SLC44A5: variants seen among roughly 807,000 people sequenced by gnomAD.
The protein encoded by SLC44A5 is choline transporter-like protein 5.
A neutral mutation model predicts 101.8 loss-of-function variants in SLC44A5; 57 were observed. That is an observed-to-expected ratio of 0.56 (90% CI 0.45 to 0.70). SLC44A5 has a LOEUF of 0.70. Ranked by LOEUF, SLC44A5 falls within the 30% of genes least tolerant of loss-of-function variation. The pLI, the probability that SLC44A5 is intolerant of heterozygous loss-of-function variation, is 0.00. For missense variants in SLC44A5, 737 were observed against 853.1 expected (o/e 0.86, Z 1.70); for synonymous variants, 281 against 290.9 (o/e 0.97, Z 0.35).
chr1:75,651,323 C>A, the SLC44A5 span, among the ~76,000 whole-genome samples: 1 of 152,056 alleles, frequency 6.6e-6, no homozygotes, highest in African/African-American at 2.4e-5. Context: ...AATTATCTGC[C>A]TTGTTTATAC....
chr1:75,681,429 C>T, the SLC44A5 span, among the ~76,000 whole-genome samples: 2 of 151,358 alleles, frequency 1.3e-5, no homozygotes, highest in African/African-American at 2.4e-5. Context: ...GGGCTTCATC[C>T]CTGGGATGCA....
intron 2 of SLC44A5, among the ~76,000 whole-genome samples, chr1:75,422,131 G>A (rs1254338345): frequency 1.3e-5 from 2 of 152,182 alleles, no homozygotes; most frequent in African/African-American, 2.4e-5. Context: ...CTGATGTGAT[G>A]TAAAATTTGG....
intron 2 of SLC44A5, among the ~76,000 whole-genome samples, chr1:75,426,833 G>T (rs761542907): frequency 1.3e-5 from 2 of 152,188 alleles, no homozygotes; most frequent in Non-Finnish European, 1.5e-5. Flanking sequence ...CTATTCTAGC[G>T]GCACTGATAG....
Position 75,213,907 on chromosome 1 carries a change from A to T in SLC44A5, c.1873+12T>A. The stretch of plus-strand genomic sequence containing the variant: ...AACTTTTTTTTTTATTATTTTCATC[A>T]TGATTACTTACCTATACTTCCAGCA... On this transcript the variant is annotated intron_variant, in intron 21 of 23. Transcript: ENST00000370859. 6.4e-7 allele frequency: 1 copy of T among 1,561,828 alleles called. No individual in the cohort carries two copies. Among genetic ancestry groups the T allele is most frequent in the Non-Finnish European group, 8.7e-7 (1 of 1,146,580 alleles).
At chr1:75,630,931 C>T in the SLC44A5 span, among the ~76,000 whole-genome samples, 1 of 149,428 alleles carries the variant, frequency 6.7e-6, no homozygotes, top group African/African-American at 2.4e-5. Flanking sequence ...GGCATTAAGT[C>T]GCCTATCCGG....
At chr1:75,394,014 A>G (rs1215267073) in intron 3 of SLC44A5, among the ~76,000 whole-genome samples, 1 of 152,172 alleles carries the variant, frequency 6.6e-6, no homozygotes, top group East Asian at 1.9e-4. Flanking sequence ...CAGCACATTC[A>G]TGGTATTTAA....
intron 1 of SLC44A5, 95 bp from the exon 2 acceptor site, chr1:75,541,611 T>C: frequency 1.5e-6 from 1 of 670,368 alleles, no homozygotes; most frequent in East Asian, 2.8e-5. Flanking sequence ...TAACTTACTA[T>C]AATTTACTCT....
the SLC44A5 span, among the ~76,000 whole-genome samples, chr1:75,717,133 C>T: frequency 6.6e-6 from 1 of 151,992 alleles, no homozygotes; most frequent in Admixed American, 6.6e-5. Context: ...TGCAGCAACA[C>T]AGATGGCACT....
intron 19 of SLC44A5, 67 bp downstream of exon 19, chr1:75,215,687 G>T: frequency 1.1e-6 from 1 of 892,466 alleles, no homozygotes; most frequent in Non-Finnish European, 1.9e-6. Flanking sequence ...TTTAGAGAGG[G>T]CAATGTAGAC....
At chr1:75,560,345 C>A (rs557755651) in intron 1 of SLC44A5, among the ~76,000 whole-genome samples, 1 of 152,124 alleles carries the variant, frequency 6.6e-6, no homozygotes, top group Non-Finnish European at 1.5e-5. Context: ...TAATATTTAG[C>A]CACTAAAAGT....
chr1:75,638,787 T>C, the SLC44A5 span, among the ~76,000 whole-genome samples: 1 of 152,092 alleles, frequency 6.6e-6, no homozygotes, highest in African/African-American at 2.4e-5. Flanking sequence ...ATTTACCACA[T>C]TTTCTTTATC....
chr1:75,287,426 C>CTTTTTTTTTTTT (rs371647505), intron 5 of SLC44A5, among the ~76,000 whole-genome samples: 43 of 69,888 alleles, frequency 6.2e-4, no homozygotes, highest in South Asian at 1.8e-3. Context: ...CTTCTGAATT[C>CTTTTTTTTTTTT]TTTTTTTTTT....
chr1:75,241,842 T>G (rs1272270545), intron 9 of SLC44A5, among the ~76,000 whole-genome samples, 159 bp downstream of exon 9: 1 of 152,110 alleles, frequency 6.6e-6, no homozygotes, highest in Non-Finnish European at 1.5e-5. Context: ...AGCCAAGAGA[T>G]GAGCTCTACT....
the SLC44A5 span, among the ~76,000 whole-genome samples, chr1:75,682,092 A>T: frequency 1.3e-5 from 2 of 152,246 alleles, no homozygotes; most frequent in African/African-American, 2.4e-5. Flanking sequence ...CCGCTGCTGA[A>T]GGAAATAAAA....
chr1:75,683,905 G>A, the SLC44A5 span, among the ~76,000 whole-genome samples: 44 of 150,838 alleles, frequency 2.9e-4, no homozygotes, highest in African/African-American at 1.0e-3. Context: ...AAACAAAAAA[G>A]AGCGGAAGTA....
At chr1:75,456,033 C>A (rs1208608117) in intron 2 of SLC44A5, among the ~76,000 whole-genome samples, 1 of 152,080 alleles carries the variant, frequency 6.6e-6, no homozygotes, top group Non-Finnish European at 1.5e-5. Context: ...GAAAATAAAC[C>A]ATTCTACCAA....
Position 75,386,451 on chromosome 1 carries a change from C to A in SLC44A5, c.52+10132G>T, listed in dbSNP as rs546089766. ...GAGAGCCAAATCATGAGTGAAATCC[C>A]ATTCACAATTGCTTCAAAGAGAATA... On this transcript the variant is annotated intron_variant, in intron 3 of 23. Transcript: ENST00000370859. 4.8e-3 allele frequency among the ~76,000 whole-genome samples: 734 copies of A among 152,226 alleles called. 9 individuals are homozygous for A. The highest frequency in any genetic ancestry group is 0.017 in the African/African-American group (709 of 41,524).
At chr1:75,315,477 C>T (rs1655620998) in intron 4 of SLC44A5, among the ~76,000 whole-genome samples, 1 of 152,102 alleles carries the variant, frequency 6.6e-6, no homozygotes, top group Non-Finnish European at 1.5e-5. Context: ...TATTAGCACT[C>T]CATCCTTGTA....
intron 3 of SLC44A5, among the ~76,000 whole-genome samples, chr1:75,350,048 C>T (rs1466128254): frequency 1.3e-5 from 2 of 151,988 alleles, no homozygotes; most frequent in Non-Finnish European, 2.9e-5. Flanking sequence ...AATGTTTATG[C>T]CCTCCCAAAG....
Sources: gnomAD v4.1 joint callset for allele counts (sites outside exome capture counted in the v4.1 genomes callset) on GRCh38, gnomAD v4.1.1 for gene constraint, MANE v1.5 for transcripts, NCBI Gene and HGNC (gene_info 2026-07-23, HGNC 2026-07-21) for gene names.